The following ANKS1B variants were observed in gnomAD, a reference collection of about 807,000 sequenced individuals.
ANKS1B encodes the protein ankyrin repeat and sterile alpha motif domain-containing protein 1B.
ANKS1B carries 36 observed loss-of-function variants against 148.3 expected under a neutral mutation model. The observed-to-expected ratio is 0.24, with a 90% CI of 0.19 to 0.32. The LOEUF is 0.32. Ranked by LOEUF, ANKS1B falls within the 10% of genes least tolerant of loss-of-function variation. The pLI is 1.00. For synonymous variants in ANKS1B, 542 were observed against 560.8 expected (o/e 0.97, Z 0.47); for missense variants, 1,157 against 1,542.6 (o/e 0.75, Z 4.19).
chr12:99,861,616 A>T (rs1452582703), intron 1 of ANKS1B, among the ~76,000 whole-genome samples: 1 of 152,182 alleles, frequency 6.6e-6, no homozygotes, highest in African/African-American at 2.4e-5. Flanking sequence ...AATAATAATC[A>T]GTCTTTCACA....
chr12:99,146,425 T>C (rs1178795025), intron 15 of ANKS1B, among the ~76,000 whole-genome samples: 1 of 152,126 alleles, frequency 6.6e-6, no homozygotes, highest in Non-Finnish European at 1.5e-5. Flanking sequence ...AGCTGATTCA[T>C]GAACAATGAT....
intron 17 of ANKS1B, among the ~76,000 whole-genome samples, chr12:98,901,680 T>C (rs1380961301): frequency 6.6e-6 from 1 of 152,152 alleles, no homozygotes; most frequent in Admixed American, 6.5e-5. Context: ...AAAATAGAAG[T>C]CAGAGAGAGA....
At chr12:99,246,158 G>T (rs1176380167) in intron 13 of ANKS1B, 117 bp downstream of exon 13, 1 of 730,056 alleles carries the variant, frequency 1.4e-6, no homozygotes, top group Non-Finnish European at 2.1e-6. Context: ...TCCAGTTGGA[G>T]CCGTATGCTT....
At chr12:99,957,047 C>T (rs773998516) in intron 1 of ANKS1B, among the ~76,000 whole-genome samples, 10 of 152,168 alleles carry the variant, frequency 6.6e-5, no homozygotes, top group South Asian at 2.1e-4. Flanking sequence ...GTACTGTCTA[C>T]GTGATGTTCA....
intron 14 of ANKS1B, among the ~76,000 whole-genome samples, chr12:99,161,122 G>A (rs1437210874): frequency 6.6e-6 from 1 of 152,214 alleles, no homozygotes; most frequent in African/African-American, 2.4e-5. Context: ...GCTTTGGGAA[G>A]TATGGCCATT....
At chr12:99,247,712 G>T (rs747758584) in intron 12 of ANKS1B, among the ~76,000 whole-genome samples, 2 of 152,002 alleles carry the variant, frequency 1.3e-5, no homozygotes, top group African/African-American at 4.8e-5. Context: ...TGCTTTTTGC[G>T]ACTTAATTTG....
intron 10 of ANKS1B, among the ~76,000 whole-genome samples, chr12:99,447,048 A>G (rs1040929111): frequency 1.3e-5 from 2 of 152,074 alleles, no homozygotes; most frequent in Non-Finnish European, 2.9e-5. Context: ...AACTGAGCAC[A>G]TTACACTACC....
chr12:99,791,872 A>C (rs1171277380), intron 4 of ANKS1B, among the ~76,000 whole-genome samples: 1 of 151,786 alleles, frequency 6.6e-6, no homozygotes, highest in East Asian at 1.9e-4. Flanking sequence ...AGCTGAATGC[A>C]AAATTAAGAG....
intron 12 of ANKS1B, among the ~76,000 whole-genome samples, chr12:99,273,398 T>C (rs577461234): frequency 6.6e-6 from 1 of 152,250 alleles, no homozygotes; most frequent in Admixed American, 6.5e-5. Context: ...AAATGTCATA[T>C]CCACAAATCT....
At chr12:99,840,194 C>T (rs827796) in intron 1 of ANKS1B, among the ~76,000 whole-genome samples, 5,538 of 152,086 alleles carry the variant, frequency 0.036, 132 homozygotes, top group Non-Finnish European at 0.061. Context: ...GCAGCATAGT[C>T]GAGGAAGCCT....
chr12:98,782,041 C>A, intron 23 of ANKS1B, 85 bp downstream of exon 23: 1 of 1,154,684 alleles, frequency 8.7e-7, no homozygotes, highest in Non-Finnish European at 1.3e-6. Flanking sequence ...CTTTATCATT[C>A]ATCACCAGTC....
At chr12:99,952,667 C>A (rs970151117) in intron 1 of ANKS1B, among the ~76,000 whole-genome samples, 1 of 152,154 alleles carries the variant, frequency 6.6e-6, no homozygotes, top group African/African-American at 2.4e-5. Context: ...ATGTTCTGCT[C>A]TGTGTTTTAC....
intron 1 of ANKS1B, among the ~76,000 whole-genome samples, chr12:99,931,936 C>T (rs919092005): frequency 2.0e-5 from 3 of 152,102 alleles, no homozygotes; most frequent in African/African-American, 7.2e-5. Context: ...CCTTCCCAGC[C>T]TCTGGTAACC....
rs141672219 is a variant in ANKS1B at position 99,034,965 on chromosome 12, C to T, written c.2778+18192G>A. On this transcript the variant is annotated intron_variant, in intron 17 of 26. Transcript: ENST00000683438. Reference sequence around the variant, plus strand: ...TCAGGAGATACCACCTCAGTTTGGGCGATGAGGAAGGCCTTGACCCAAGGA... The same window carrying T: ...TCAGGAGATACCACCTCAGTTTGGGTGATGAGGAAGGCCTTGACCCAAGGA... 1.5e-3 allele frequency among the ~76,000 whole-genome samples: 230 copies of T among 152,096 alleles called. 5 individuals are homozygous for T. Among genetic ancestry groups the T allele is most frequent in the Admixed American group, 1.5e-3 (23 of 15,276 alleles).
chr12:98,819,822 T>C (rs1199809026), intron 19 of ANKS1B, among the ~76,000 whole-genome samples: 1 of 152,190 alleles, frequency 6.6e-6, no homozygotes, highest in East Asian at 1.9e-4. Context: ...TATTAATGCA[T>C]ACAGACAAAA....
At chr12:99,360,026 T>C (rs991552699) in intron 12 of ANKS1B, among the ~76,000 whole-genome samples, 8 of 152,148 alleles carry the variant, frequency 5.3e-5, no homozygotes, top group Non-Finnish European at 1.2e-4. Flanking sequence ...AATTGAATGA[T>C]GAAATATTTC....
At chr12:99,199,072 CCA>C (rs2081740536) in intron 14 of ANKS1B, among the ~76,000 whole-genome samples, 1 of 152,134 alleles carries the variant, frequency 6.6e-6, no homozygotes, top group Non-Finnish European at 1.5e-5. Flanking sequence ...TTTAAGTGAG[CCA>C]CTTTCAAAGC....
chr12:99,527,968 C>G (rs1862401204), intron 9 of ANKS1B, among the ~76,000 whole-genome samples: 1 of 151,568 alleles, frequency 6.6e-6, no homozygotes, highest in Non-Finnish European at 1.5e-5. Flanking sequence ...TGACTTCAAG[C>G]TATATACTAC....
At chr12:99,945,097 T>C (rs569021143) in intron 1 of ANKS1B, among the ~76,000 whole-genome samples, 17 of 152,170 alleles carry the variant, frequency 1.1e-4, no homozygotes, top group African/African-American at 3.1e-4. Context: ...TACATTCCAG[T>C]TGGGAAAGAC....
Sources: allele counts gnomAD v4.1 joint callset (sites outside exome capture counted in the v4.1 genomes callset), GRCh38; gene constraint gnomAD v4.1.1; transcripts MANE v1.5; gene names NCBI Gene and HGNC (gene_info 2026-07-23, HGNC 2026-07-21).